ASIC2: variants seen among roughly 807,000 people sequenced by gnomAD.
The protein encoded by ASIC2 is acid-sensing ion channel 2.
A neutral mutation model predicts 57.3 loss-of-function variants in ASIC2; 25 were observed. That is an observed-to-expected ratio of 0.44 (90% CI 0.32 to 0.61). The LOEUF is 0.61. Ranked by LOEUF, ASIC2 falls within the 20% of genes least tolerant of loss-of-function variation. The pLI, the probability that ASIC2 is intolerant of heterozygous loss-of-function variation, is 0.06. For missense variants in ASIC2, 641 were observed against 738.1 expected, an observed-to-expected ratio of 0.87 and a Z score of 1.52; for synonymous variants, 319 against 307.5, an observed-to-expected ratio of 1.04 and a Z score of -0.39.
intron 1 of ASIC2, among the ~76,000 whole-genome samples, chr17:34,027,784 A>G (rs1415510031): frequency 6.6e-6 from 1 of 152,212 alleles, no homozygotes; most frequent in Non-Finnish European, 1.5e-5. Context: ...CAAGGCAAGA[A>G]TCATCTTCCT....
intron 7 of ASIC2, among the ~76,000 whole-genome samples, chr17:33,019,001 C>A (rs948925272): frequency 6.6e-6 from 1 of 152,188 alleles, no homozygotes; most frequent in Non-Finnish European, 1.5e-5. Context: ...GGAGAAGGCT[C>A]TTCCCAGTGG....
In ASIC2 at chr17:33,378,791, C is replaced by A. The variant is rs565865439; in HGVS notation, c.556-266724G>T. On this transcript the variant is annotated intron_variant, in intron 1 of 9. Transcript: ENST00000359872. Reference sequence around the variant, plus strand: ...CTGTGCCACGGCTTCATTTCTTAGGCCTTGATGTTGTCCACCTGAAATGGA... The same window carrying A: ...CTGTGCCACGGCTTCATTTCTTAGGACTTGATGTTGTCCACCTGAAATGGA... 5.9e-5 allele frequency among the ~76,000 whole-genome samples: 9 copies of A among 152,290 alleles called. 1 individual carries two copies. In the East Asian group the frequency reaches 1.7e-3, roughly 29 times the overall value.
At chr17:33,324,309 T>C (rs572026751) in intron 1 of ASIC2, among the ~76,000 whole-genome samples, 2 of 152,266 alleles carry the variant, frequency 1.3e-5, no homozygotes, top group South Asian at 2.1e-4. Context: ...TTTTTTCACA[T>C]GGCTAAGTGT....
chr17:34,136,912 C>A (rs1187465619), intron 1 of ASIC2, among the ~76,000 whole-genome samples: 1 of 152,226 alleles, frequency 6.6e-6, no homozygotes, highest in African/African-American at 2.4e-5. Context: ...ATTTTGCATA[C>A]TCTGGACCCA....
chr17:33,952,322 G>A (rs1376462951), intron 1 of ASIC2, among the ~76,000 whole-genome samples: 3 of 152,198 alleles, frequency 2.0e-5, no homozygotes, highest in Non-Finnish European at 4.4e-5. Flanking sequence ...GGATAATGGA[G>A]TGAGGATATG....
intron 1 of ASIC2, among the ~76,000 whole-genome samples, chr17:33,204,735 G>A (rs1906997588): frequency 6.6e-6 from 1 of 152,226 alleles, no homozygotes; most frequent in African/African-American, 2.4e-5. Context: ...GTGTGCATAT[G>A]CGTGTGAACA....
chr17:33,400,549 G>C (rs532608451), intron 1 of ASIC2, among the ~76,000 whole-genome samples: 1 of 152,156 alleles, frequency 6.6e-6, no homozygotes, highest in East Asian at 1.9e-4. Context: ...ATAATAGGGA[G>C]ATTTATGAGC....
intron 1 of ASIC2, chr17:34,147,107 C>T (rs1168112537): frequency 3.3e-5 from 5 of 152,174 alleles, no homozygotes; most frequent in East Asian, 3.9e-4. Flanking sequence ...CCACTCCCAA[C>T]ATAAGTTAAA....
At chr17:33,704,580 G>C (rs1908806715) in intron 1 of ASIC2, among the ~76,000 whole-genome samples, 1 of 152,288 alleles carries the variant, frequency 6.6e-6, no homozygotes, top group East Asian at 1.9e-4. Flanking sequence ...TTTGCTGTGT[G>C]TCTCTTATTT....
chr17:33,480,335 G>A (rs1210057828), intron 1 of ASIC2, among the ~76,000 whole-genome samples: 4 of 152,174 alleles, frequency 2.6e-5, no homozygotes, highest in African/African-American at 9.7e-5. Flanking sequence ...AACAGATTTG[G>A]AGGGGTGGGG....
chr17:33,516,388 A>T lies in ASIC2; in HGVS notation c.556-404321T>A, dbSNP rs200553526. Among the ~76,000 whole-genome samples, 112 of 126,136 alleles carry T rather than the reference A, an allele frequency of 8.9e-4. 1 individual carries two copies. In the East Asian group the frequency reaches 0.022, roughly 25 times the overall value. 82.8% of individuals were successfully genotyped at this position (126,136 alleles called of 152,430 possible). On this transcript the variant is annotated intron_variant, in intron 1 of 9. Coordinates refer to the ASIC2 transcript ENST00000359872. The stretch of plus-strand genomic sequence containing the variant: ...AGTGTGAGTGTGAATGTGTGTTTGT[A>T]AGTGTGTTTGTGAGTGTGAGTGTGT...
chr17:33,927,218 T>A (rs1227366036), intron 1 of ASIC2, among the ~76,000 whole-genome samples: 4 of 152,186 alleles, frequency 2.6e-5, no homozygotes, highest in Non-Finnish European at 5.9e-5. Flanking sequence ...CATGACCCAC[T>A]GTGCCTAGCC....
chr17:34,152,786 T>C (rs957126226), intron 1 of ASIC2, among the ~76,000 whole-genome samples: 2 of 152,204 alleles, frequency 1.3e-5, no homozygotes, highest in African/African-American at 4.8e-5. Context: ...TTTGTCTTTC[T>C]GCTCTTAATC....
At chr17:33,237,664 G>C (rs1945018748) in intron 1 of ASIC2, among the ~76,000 whole-genome samples, 1 of 152,144 alleles carries the variant, frequency 6.6e-6, no homozygotes, top group African/African-American at 2.4e-5. Flanking sequence ...CAAGTTCTTT[G>C]CTTTGAGCTT....
Position 33,081,242 on chromosome 17 carries a change from G to GA in ASIC2, c.987+7620dup, listed in dbSNP as rs149555031. ...AGAAAATCAAGCTTATATTGTGCAG[G>GA]AAAAAATGGTGAAAACTTGACTCTT... On this transcript the variant is annotated intron_variant, in intron 3 of 9. Transcript: ENST00000225823. 8.8e-3 allele frequency among the ~76,000 whole-genome samples: 1,340 copies of GA among 152,220 alleles called. 25 individuals are homozygous for GA. Among genetic ancestry groups the GA allele is most frequent in the African/African-American group, 0.03 (1,239 of 41,522 alleles).
At chr17:33,248,908 T>A in intron 1 of ASIC2, among the ~76,000 whole-genome samples, 1 of 152,200 alleles carries the variant, frequency 6.6e-6, no homozygotes, top group Non-Finnish European at 1.5e-5. Context: ...ATTTACAGCT[T>A]CCTGGGGTTG....
intron 1 of ASIC2, among the ~76,000 whole-genome samples, chr17:33,375,723 G>T (rs1206955285): frequency 1.3e-5 from 2 of 152,146 alleles, no homozygotes; most frequent in Non-Finnish European, 2.9e-5. Context: ...GTGAGAAGTA[G>T]TCAAAGTCTG....
chr17:33,406,014 A>C (rs1453414842), intron 1 of ASIC2, among the ~76,000 whole-genome samples: 1 of 145,076 alleles, frequency 6.9e-6, no homozygotes, highest in East Asian at 2.8e-4. Context: ...AATGCAAAAC[A>C]GGCTCTTTCC....
rs573012848 is a variant in ASIC2, at chr17:33,658,927, T to A, written c.555+497051A>T. 1.0e-3 allele frequency among the ~76,000 whole-genome samples: 152 copies of A among 152,234 alleles called. 1 individual carries two copies. Among genetic ancestry groups the A allele is most frequent in the Non-Finnish European group, 1.9e-3 (131 of 68,008 alleles). Reference sequence around the variant, plus strand: ...CTGAGGCAAGAGAATTGCTTGAACCTGGGAGGCGGAGGTTGCAGTGAGCTG... The same window carrying A: ...CTGAGGCAAGAGAATTGCTTGAACCAGGGAGGCGGAGGTTGCAGTGAGCTG... On this transcript the variant is annotated intron_variant, in intron 1 of 9. Coordinates refer to the ASIC2 transcript ENST00000359872.
Sources: gnomAD v4.1 joint callset for allele counts (sites outside exome capture counted in the v4.1 genomes callset) on GRCh38, gnomAD v4.1.1 for gene constraint, MANE v1.5 for transcripts, NCBI Gene and HGNC (gene_info 2026-07-23, HGNC 2026-07-21) for gene names.